The following ADGRA1 variants were observed in gnomAD, a reference collection of about 807,000 sequenced individuals.
The protein encoded by ADGRA1 is G-protein coupled receptor 123.
ADGRA1 carries 12 observed loss-of-function variants against 21.3 expected under a neutral mutation model. That is an observed-to-expected ratio of 0.56 (90% CI 0.36 to 0.91). ADGRA1 has a LOEUF of 0.91. ADGRA1 is among the 40% of genes least tolerant of loss of function. ADGRA1 has a pLI of 0.01. For synonymous variants in ADGRA1, 385 were observed against 368.8 expected (o/e 1.04, Z -0.50); for missense variants, 790 against 805.6 (o/e 0.98, Z 0.23).
At chr10:133,127,026 A>G (rs1852387181) in intron 5 of ADGRA1, among the ~76,000 whole-genome samples, 1 of 149,160 alleles carries the variant, frequency 6.7e-6, no homozygotes, top group African/African-American at 2.5e-5. Context: ...CTCCAGGCGC[A>G]GAGGCCCGCG....
chr10:133,103,503 C>G (rs1337354656), intron 5 of ADGRA1, among the ~76,000 whole-genome samples: 1 of 152,234 alleles, frequency 6.6e-6, no homozygotes, highest in Non-Finnish European at 1.5e-5. Context: ...GCGGCCTGCA[C>G]CAGCTGTTGG....
At chr10:133,116,634 G>A (rs376442371) in intron 5 of ADGRA1, among the ~76,000 whole-genome samples, 2 of 151,952 alleles carry the variant, frequency 1.3e-5, no homozygotes, top group East Asian at 1.9e-4. Context: ...ATGAAGAGAC[G>A]CAGACACTCA....
At chr10:133,120,737 C>T (rs1852238563) in intron 5 of ADGRA1, among the ~76,000 whole-genome samples, 1 of 152,206 alleles carries the variant, frequency 6.6e-6, no homozygotes, top group Non-Finnish European at 1.5e-5. Flanking sequence ...AGCCATGAGG[C>T]TGTTTCACTT....
At chr10:133,093,381 A>G (rs1472528961) in intron 2 of ADGRA1, 1 of 1,199,726 alleles carries the variant, frequency 8.3e-7, no homozygotes, top group East Asian at 2.6e-5. Context: ...CAAAGAGGAG[A>G]CCTCCAATTA....
chr10:133,092,496 A>G (rs1300814419), intron 2 of ADGRA1, among the ~76,000 whole-genome samples: 4 of 152,192 alleles, frequency 2.6e-5, no homozygotes, highest in African/African-American at 9.7e-5. Flanking sequence ...ACTATGGGTC[A>G]TCTGTGTTCT....
At chr10:133,111,804 CACA>C (rs1852017384) in intron 5 of ADGRA1, among the ~76,000 whole-genome samples, 2 of 150,708 alleles carry the variant, frequency 1.3e-5, no homozygotes, top group Non-Finnish European at 3.0e-5. Flanking sequence ...ACCTGCCCAC[CACA>C]GGCACCTCCC....
At chr10:133,116,547 G>A (rs915441350) in intron 5 of ADGRA1, among the ~76,000 whole-genome samples, 8 of 144,544 alleles carry the variant, frequency 5.5e-5, no homozygotes, top group African/African-American at 1.5e-4. Flanking sequence ...ACCCAAGGCC[G>A]CCCACCAGCT....
At chr10:133,094,312 A>C (rs940033818) in intron 2 of ADGRA1, among the ~76,000 whole-genome samples, 1 of 152,196 alleles carries the variant, frequency 6.6e-6, no homozygotes, top group Non-Finnish European at 1.5e-5. Context: ...TTTGTGACTA[A>C]AAGCCACAAA....
intron 4 of ADGRA1, among the ~76,000 whole-genome samples, chr10:133,099,867 C>G (rs1851759423): frequency 6.6e-6 from 1 of 152,208 alleles, no homozygotes; most frequent in Non-Finnish European, 1.5e-5. Flanking sequence ...TTCTGGAACC[C>G]TCCCATAGTA....
chr10:133,088,170 A>T, intron 1 of ADGRA1, 32 bp downstream of exon 1: 3 of 911,776 alleles, frequency 3.3e-6, no homozygotes, highest in Non-Finnish European at 3.9e-6. Context: ...GGGCGGCGGG[A>T]GGGACGCGCG....
In ADGRA1 at chr10:133,102,648, G is replaced by A. The variant is rs530179162; in HGVS notation, c.256-49G>A. The A allele has an allele frequency of 4.5e-6, 7 of 1,570,594 alleles. No individual in the cohort carries two copies. The Admixed American group carries it at 5.3e-5, about 12-fold the overall frequency. Reference sequence around the variant, plus strand: ...GCCCGGGCCGAGGCTGCTGGGCTCTGGGGGGTGGGTGCCCGCCAAGGGCCT... The same window carrying A: ...GCCCGGGCCGAGGCTGCTGGGCTCTAGGGGGTGGGTGCCCGCCAAGGGCCT... On this transcript the variant is annotated intron_variant, in intron 4 of 6. Transcript: ENST00000392607.
intron 5 of ADGRA1, among the ~76,000 whole-genome samples, chr10:133,119,813 AC>A (rs1353640622): frequency 4.6e-5 from 7 of 152,380 alleles, no homozygotes; most frequent in Middle Eastern, 3.4e-3. Context: ...GTAGGTCTCA[AC>A]AGTGGGCTTT....
chr10:133,100,693 G>A (rs375528687), intron 4 of ADGRA1, among the ~76,000 whole-genome samples: 4 of 152,376 alleles, frequency 2.6e-5, no homozygotes, highest in East Asian at 1.9e-4. Flanking sequence ...CAGGGAGCAC[G>A]ATCCACTCAC....
chr10:133,106,533 G>A (rs975391662), intron 5 of ADGRA1, among the ~76,000 whole-genome samples: 10 of 151,680 alleles, frequency 6.6e-5, no homozygotes, highest in South Asian at 2.1e-4. Flanking sequence ...CCCTGTGGGC[G>A]TCCCCAGCAC....
chr10:133,118,323 A>G (rs1325861512), intron 5 of ADGRA1, among the ~76,000 whole-genome samples: 1 of 152,234 alleles, frequency 6.6e-6, no homozygotes, highest in African/African-American at 2.4e-5. Context: ...ACACTTAGTC[A>G]ACTACAGTAG....
At chr10:133,119,731 C>T (rs1172441560) in intron 5 of ADGRA1, among the ~76,000 whole-genome samples, 5 of 152,238 alleles carry the variant, frequency 3.3e-5, no homozygotes, top group African/African-American at 9.6e-5. Context: ...CTTCAGGCTC[C>T]ACTTCTAATT....
intron 5 of ADGRA1, among the ~76,000 whole-genome samples, chr10:133,106,393 G>T (rs1181583341): frequency 6.6e-6 from 1 of 152,254 alleles, no homozygotes; most frequent in Non-Finnish European, 1.5e-5. Flanking sequence ...AACCCTTAGA[G>T]ACCCTTTTCC....
chr10:133,107,510 G>T (rs73399113), intron 5 of ADGRA1, among the ~76,000 whole-genome samples: 3,241 of 152,114 alleles, frequency 0.021, 110 homozygotes, highest in African/African-American at 0.074. Flanking sequence ...CTCAGCTCTG[G>T]TCTTTATTAC....
chr10:133,124,138 G>A (rs759923971), intron 5 of ADGRA1, among the ~76,000 whole-genome samples: 84 of 151,640 alleles, frequency 5.5e-4, no homozygotes, highest in Non-Finnish European at 1.1e-3. Context: ...CACCCTCCCC[G>A]GCCAGCCCAC....
Sources: gnomAD v4.1 joint callset for allele counts (sites outside exome capture counted in the v4.1 genomes callset) on GRCh38, gnomAD v4.1.1 for gene constraint, MANE v1.5 for transcripts, NCBI Gene and HGNC (gene_info 2026-07-23, HGNC 2026-07-21) for gene names.